The following HDAC9 variants were observed in gnomAD, a reference collection of about 807,000 sequenced individuals.
HDAC9 encodes the protein histone deacetylase 9, also known as MEF-2 interacting transcription repressor (MITR) protein.
HDAC9 carries 41 observed loss-of-function variants against 139.4 expected under a neutral mutation model. That is an observed-to-expected ratio of 0.29 (90% CI 0.23 to 0.38). The LOEUF (loss-of-function observed/expected upper bound fraction) is 0.38, where lower values mean the gene tolerates loss of function less well. Among genes scored for constraint, HDAC9 ranks in the 10% least tolerant of loss-of-function variants. The pLI, the probability that HDAC9 is intolerant of heterozygous loss-of-function variation, is 1.00. For synonymous variants in HDAC9, 517 were observed against 476.2 expected (o/e 1.09, Z -1.12); for missense variants, 1,147 against 1,297.0 (o/e 0.88, Z 1.78).
In HDAC9 at chr7:18,767,088, T is replaced by A; in HGVS notation, c.2165-18T>A. 7.5e-7 allele frequency: 1 copy of A among 1,325,466 alleles called. No homozygotes were observed. The highest frequency in any genetic ancestry group is 1.0e-6 in the Non-Finnish European group (1 of 974,496). The allele number at this position is 1,325,466 out of a possible 1,614,324, so 82.1% of individuals were successfully genotyped here. On this transcript the variant is annotated intron_variant, in intron 15 of 25. Coordinates refer to ENST00000686413, the MANE Select transcript of HDAC9 (RefSeq NM_178425.4). Reference sequence around the variant, plus strand: ...AACCTCCATTTATCTATATTTTTTATGTCTTCTTACTGTATAGGTGATGAC... The same window carrying A: ...AACCTCCATTTATCTATATTTTTTAAGTCTTCTTACTGTATAGGTGATGAC...
At chr7:18,509,375 A>T in intron 2 of HDAC9, 1 of 985,446 alleles carries the variant, frequency 1.0e-6, no homozygotes, top group Non-Finnish European at 1.2e-6. Flanking sequence ...CTCTAGCCTC[A>T]AGAAGACTGA....
At chr7:18,931,863 T>G (rs566518025) in intron 22 of HDAC9, among the ~76,000 whole-genome samples, 1 of 152,206 alleles carries the variant, frequency 6.6e-6, no homozygotes, top group Admixed American at 6.5e-5. Context: ...GATGAATAGG[T>G]AAATCACAGG....
intron 1 of HDAC9, chr7:18,127,214 A>G (rs958762364): frequency 1.2e-5 from 2 of 168,874 alleles, no homozygotes; most frequent in African/African-American, 4.8e-5. Flanking sequence ...TTTGAATTTT[A>G]TATTATCAAC....
intron 22 of HDAC9, among the ~76,000 whole-genome samples, chr7:18,907,718 C>G (rs188858738): frequency 9.2e-5 from 14 of 151,844 alleles, no homozygotes; most frequent in African/African-American, 1.9e-4. Flanking sequence ...ACAAAACTCA[C>G]CAAAGGGCAA....
At chr7:18,440,024 C>G (rs890861624) in intron 1 of HDAC9, among the ~76,000 whole-genome samples, 8 of 152,128 alleles carry the variant, frequency 5.3e-5, no homozygotes, top group African/African-American at 1.9e-4. Flanking sequence ...ATTGTACCCA[C>G]TCTTAATACA....
chr7:18,539,709 G>A (rs976633214), intron 2 of HDAC9, among the ~76,000 whole-genome samples: 3 of 151,956 alleles, frequency 2.0e-5, no homozygotes, highest in Non-Finnish European at 2.9e-5. Context: ...AACTGAAAAG[G>A]AAAAACATTT....
intron 12 of HDAC9, among the ~76,000 whole-genome samples, chr7:18,671,614 C>T (rs578182049): frequency 5.3e-5 from 8 of 151,998 alleles, no homozygotes; most frequent in Admixed American, 6.6e-5. Flanking sequence ...TACTCCAATA[C>T]GTTTTAGAAT....
chr7:18,335,867 A>G (rs1474557243), intron 1 of HDAC9, among the ~76,000 whole-genome samples: 1 of 151,648 alleles, frequency 6.6e-6, no homozygotes, highest in Admixed American at 6.6e-5. Flanking sequence ...TGGAAGGCCA[A>G]TCCATAAATA....
intron 2 of HDAC9, among the ~76,000 whole-genome samples, chr7:18,173,812 A>C (rs936057758): frequency 2.0e-5 from 3 of 152,180 alleles, no homozygotes; most frequent in African/African-American, 7.2e-5. Context: ...TAGAGAGATC[A>C]GCTGTTAGTC....
At chr7:18,860,541 A>G (rs1798028314) in intron 21 of HDAC9, among the ~76,000 whole-genome samples, 1 of 152,154 alleles carries the variant, frequency 6.6e-6, no homozygotes, top group Admixed American at 6.6e-5. Flanking sequence ...GTTGGTCTTA[A>G]TATAAGGAAA....
intron 25 of HDAC9, among the ~76,000 whole-genome samples, chr7:18,977,734 T>A (rs1205693463): frequency 6.6e-6 from 1 of 152,096 alleles, no homozygotes; most frequent in Non-Finnish European, 1.5e-5. Context: ...ATTTATCACT[T>A]TTAGACAGAT....
intron 13 of HDAC9, among the ~76,000 whole-genome samples, chr7:18,738,204 T>C (rs1023127326): frequency 7.2e-5 from 11 of 152,248 alleles, no homozygotes; most frequent in Non-Finnish European, 1.2e-4. Flanking sequence ...GGATCTTGAC[T>C]CATTGTCCAA....
chr7:18,332,927 ACAAGGATCCCTTCT>A (rs1781304706), intron 1 of HDAC9, among the ~76,000 whole-genome samples: 1 of 151,560 alleles, frequency 6.6e-6, no homozygotes, highest in African/African-American at 2.4e-5. Flanking sequence ...ATAAATTTAC[ACAAGGATCCCTTCT>A]CAGAGTATTT....
chr7:18,919,083 AT>A (rs1424037297), intron 22 of HDAC9, among the ~76,000 whole-genome samples: 2 of 152,122 alleles, frequency 1.3e-5, no homozygotes, highest in African/African-American at 4.8e-5. Context: ...ATAAGCCACA[AT>A]TAATGTAAAG....
chr7:18,120,919 G>C (rs964787978), intron 1 of HDAC9, among the ~76,000 whole-genome samples: 2 of 152,172 alleles, frequency 1.3e-5, no homozygotes, highest in African/African-American at 4.8e-5. Context: ...AAGGATGAGA[G>C]TTTACTTCCA....
chr7:18,144,698 G>A (rs1786167606), intron 1 of HDAC9, among the ~76,000 whole-genome samples: 1 of 152,000 alleles, frequency 6.6e-6, no homozygotes, highest in Non-Finnish European at 1.5e-5. Flanking sequence ...GCCCTGATAA[G>A]TTTCTTCTTT....
intron 22 of HDAC9, among the ~76,000 whole-genome samples, chr7:18,884,689 T>G (rs1399736202): frequency 1.3e-5 from 2 of 152,220 alleles, no homozygotes; most frequent in Admixed American, 6.6e-5. Context: ...GCATGTGTGT[T>G]AAAGTTACCT....
At chr7:18,183,125 T>C in intron 2 of HDAC9, among the ~76,000 whole-genome samples, 1 of 151,892 alleles carries the variant, frequency 6.6e-6, no homozygotes, top group East Asian at 1.9e-4. Flanking sequence ...TTCTCCTGCC[T>C]CAGCTTCCCG....
chr7:18,322,198 C>T (rs942726122), intron 1 of HDAC9, among the ~76,000 whole-genome samples: 3 of 152,126 alleles, frequency 2.0e-5, no homozygotes, highest in Admixed American at 2.0e-4. Context: ...AGCTGGGGCA[C>T]AATCAGAAAA....
Sources: allele counts gnomAD v4.1 joint callset (sites outside exome capture counted in the v4.1 genomes callset), GRCh38; gene constraint gnomAD v4.1.1; transcripts MANE v1.5; gene names NCBI Gene and HGNC (gene_info 2026-07-23, HGNC 2026-07-21).